Variants in NDUFS2 observed in about 807,000 individuals in gnomAD.
NDUFS2 encodes the protein NADH dehydrogenase [ubiquinone] iron-sulfur protein 2, mitochondrial.
NDUFS2 carries 38 observed loss-of-function variants against 69.6 expected under a neutral mutation model. That is an observed-to-expected ratio of 0.55 (90% CI 0.42 to 0.72). The LOEUF is 0.72. Among genes scored for constraint, NDUFS2 ranks in the 30% least tolerant of loss-of-function variants. NDUFS2 has a pLI of 0.00. For synonymous variants in NDUFS2, 194 were observed against 211.2 expected, an observed-to-expected ratio of 0.92 and a Z score of 0.70; for missense variants, 468 against 595.0, an observed-to-expected ratio of 0.79 and a Z score of 2.22.
Position 161,206,384 on chromosome 1 carries a change from C to G in NDUFS2, c.203-23C>G, listed in dbSNP as rs373836835. On this transcript the variant is annotated intron_variant, in intron 2 of 13. Transcript: ENST00000676972. The stretch of plus-strand genomic sequence containing the variant: ...ATCCCAAGGGAATAACCATGTGGCT[C>G]TGAACTATTTCTTACTTCTCAGATG... The G allele has an allele frequency of 1.2e-5, 20 of 1,613,490 alleles. No homozygotes were observed. The African/African-American group carries it at 2.3e-4, about 18-fold the overall frequency.
Position 161,212,361 on chromosome 1 carries a change from C to T in NDUFS2, c.997C>T (p.Arg333Trp). The T allele has an allele frequency of 6.8e-6, 11 of 1,613,320 alleles. No individual in the cohort carries two copies. Among genetic ancestry groups the T allele is most frequent in the South Asian group, 1.1e-5 (1 of 91,060 alleles). ...RGDCYDRYLCRVEEMRQSLRI... is the reference protein window; with the variant it reads ...RGDCYDRYLCWVEEMRQSLRI... Reference sequence around the variant, plus strand: ...TCTCATCTTCTTGAGGTACCTGTGCCGGGTGGAGGAGATGCGCCAGTCCCT... The same window carrying T: ...TCTCATCTTCTTGAGGTACCTGTGCTGGGTGGAGGAGATGCGCCAGTCCCT... The change falls in exon 10 of 14, where the codon CGG becomes TGG. Residue 333 changes from arginine (R) to tryptophan (W), a missense_variant. Transcript: ENST00000676972.
Position 161,202,412 on chromosome 1 carries a change from C to G in NDUFS2, c.27C>G (p.Gly9=), listed in dbSNP as rs760683995. The G allele has an allele frequency of 1.2e-6, 2 of 1,612,828 alleles. No individual in the cohort carries two copies. The highest frequency in any genetic ancestry group is 8.5e-7 in the Non-Finnish European group (1 of 1,179,706). ...TGGCGGCGCTGAGGGCTTTGTGCGG[C>G]TTCCGGGGCGTCGCGGCCCAGGTGC... The part of the protein sequence containing the change: MAALRALC[G]FRGVAAQVLR... The change falls in exon 1 of 14, where the codon GGC becomes GGG. Residue 9 remains glycine (G), a synonymous_variant. Coordinates refer to ENST00000676972, the MANE Select transcript of NDUFS2 (RefSeq NM_001377299.1).
Position 161,213,852 on chromosome 1 carries a change from C to G in NDUFS2, c.1297-12C>G. ...GTCTTAACTAACATTGTTGCCATCT[C>G]AATCTCCCTAGGCTGGTTTGGACAA... On this transcript the variant is annotated splice_polypyrimidine_tract_variant and intron_variant, in intron 12 of 13. Coordinates refer to ENST00000676972, the MANE Select transcript of NDUFS2 (RefSeq NM_001377299.1). 1 of 1,614,144 alleles carries G rather than the reference C, an allele frequency of 6.2e-7. No homozygotes were observed. Among genetic ancestry groups the G allele is most frequent in the Non-Finnish European group, 8.5e-7 (1 of 1,179,976 alleles).
At chr1:161,209,135 G>T in intron 3 of NDUFS2, 58 bp from the exon 4 acceptor site, 1 of 1,613,610 alleles carries the variant, frequency 6.2e-7, no homozygotes, top group East Asian at 2.2e-5. Context: ...GCTTCAGGCA[G>T]CCAGACTGTG....
At chr1:161,214,002 C>T in intron 13 of NDUFS2, 81 bp downstream of exon 13, 1 of 1,613,754 alleles carries the variant, frequency 6.2e-7, no homozygotes, top group Non-Finnish European at 8.5e-7. Flanking sequence ...AGAACACTTC[C>T]TGTTCACCAT....
intron 10 of NDUFS2, chr1:161,212,718 C>T: frequency 2.4e-6 from 1 of 409,446 alleles, no homozygotes; most frequent in Non-Finnish European, 4.6e-6. Context: ...TGCCACTACG[C>T]CCAGCTAATT....
intron 8 of NDUFS2, 46 bp from the exon 9 acceptor site, chr1:161,210,545 C>T: frequency 1.9e-6 from 3 of 1,613,670 alleles, no homozygotes. Context: ...AGCCTCCTTA[C>T]TTAGTTTGTG....
chr1:161,203,614 G>C, intron 2 of NDUFS2, 71 bp downstream of exon 2: 2 of 1,303,638 alleles, frequency 1.5e-6, no homozygotes, highest in South Asian at 2.5e-5. Flanking sequence ...TTCTTTTTTT[G>C]AGACAGGGTT....
rs767063285 is a variant in NDUFS2, at chr1:161,210,169, G to A, written c.761G>A (p.Arg254Gln). The change falls in exon 7 of 14, where the codon CGG (arginine) becomes CAG (glutamine). Residue 254 changes from arginine to glutamine, a missense_variant. Coordinates refer to ENST00000676972, the MANE Select transcript of NDUFS2 (RefSeq NM_001377299.1). ...CAGTTTTCTAAGAACTTCTCTCTTC[G>A]GCTTGATGAGTTGGAGGAGGTAAGC... ...IYQFSKNFSLRLDELEELLTN... is the reference protein window; with the variant it reads ...IYQFSKNFSLQLDELEELLTN... The A allele has an allele frequency of 5.0e-6, 8 of 1,613,966 alleles. No individual in the cohort carries two copies. Among genetic ancestry groups the A allele is most frequent in the African/African-American group, 1.3e-5 (1 of 74,958 alleles).
intron 2 of NDUFS2, among the ~76,000 whole-genome samples, chr1:161,204,338 T>C (rs552812407): frequency 1.3e-5 from 2 of 152,388 alleles, no homozygotes; most frequent in South Asian, 4.1e-4. Flanking sequence ...TTGGCTGTTT[T>C]ATCTTGCCCT....
chr1:161,209,157 CT>C (rs769282312), intron 3 of NDUFS2, 35 bp from the exon 4 acceptor site: 121 of 1,614,054 alleles, frequency 7.5e-5, no homozygotes, highest in Non-Finnish European at 1.0e-4. Flanking sequence ...GCTCCTGAGC[CT>C]GTTAGATGTG....
At chr1:161,208,682 G>A (rs1665611378) in intron 3 of NDUFS2, among the ~76,000 whole-genome samples, 1 of 152,240 alleles carries the variant, frequency 6.6e-6, no homozygotes, top group Admixed American at 6.5e-5. Context: ...AGTTTTGTGA[G>A]CCAGTTGTTG....
intron 9 of NDUFS2, 101 bp from the exon 10 acceptor site, chr1:161,212,250 G>A (rs1665812003): frequency 7.7e-6 from 11 of 1,431,492 alleles, no homozygotes; most frequent in Non-Finnish European, 1.1e-5. Flanking sequence ...AGAGTGGGGA[G>A]AGTTGACCTA....
upstream of NDUFS2, chr1:161,198,138 G>C: frequency 6.2e-7 from 1 of 1,614,034 alleles, no homozygotes; most frequent in Non-Finnish European, 8.5e-7. The surrounding 1 kb of genome is among the most constrained non-coding windows in gnomAD (Gnocchi z 4.7). Context: ...CCCTCCAGGG[G>C]CTGGAGGTGG....
Position 161,209,837 on chromosome 1 carries a change from TC to T in NDUFS2, c.628-17del, listed in dbSNP as rs775653766. Reference sequence around the variant, plus strand: ...GGGGGCCTGGGACTTTGACACTAATTCCCAGCACGTTCTATGAAGATGTTTG... The same window carrying T: ...GGGGGCCTGGGACTTTGACACTAATTCCAGCACGTTCTATGAAGATGTTTG... On this transcript the variant is annotated intron_variant, in intron 5 of 13. Coordinates refer to ENST00000676972, the MANE Select transcript of NDUFS2 (RefSeq NM_001377299.1). 84 of 1,612,744 alleles carry T rather than the reference TC, an allele frequency of 5.2e-5. No homozygotes were observed. The highest frequency in any genetic ancestry group is 6.9e-5 in the Non-Finnish European group (81 of 1,179,496).
intron 2 of NDUFS2, 79 bp downstream of exon 2, chr1:161,203,622 G>T: frequency 8.2e-7 from 1 of 1,213,164 alleles, no homozygotes; most frequent in Non-Finnish European, 1.2e-6. Context: ...TTGAGACAGG[G>T]TTTCCCTCTG....
Position 161,214,138 on chromosome 1 carries a change from C to T in NDUFS2, c.1355-18C>T. The T allele has an allele frequency of 6.2e-7, 1 of 1,613,890 alleles. No individual in the cohort carries two copies. The highest frequency in any genetic ancestry group is 2.2e-5 in the East Asian group (1 of 44,882). ...GAAGATAAGTAACATCACTTTTTTC[C>T]TCCATCCTCTCACCTAGGTACCCAA... On this transcript the variant is annotated intron_variant, in intron 13 of 13. Coordinates refer to ENST00000676972, the MANE Select transcript of NDUFS2 (RefSeq NM_001377299.1).
At chr1:161,198,802 T>C (rs945270252), upstream of NDUFS2, 1 of 601,746 alleles carries the variant, frequency 1.7e-6, no homozygotes, top group South Asian at 2.8e-5. This position sits in a 1 kb window ranked among gnomAD's most constrained non-coding sequence, Gnocchi z 4.7. Flanking sequence ...AACTTAGTCC[T>C]TGGGCTTGGG....
chr1:161,198,474 C>T, upstream of NDUFS2: 1 of 1,569,384 alleles, frequency 6.4e-7, no homozygotes, highest in Non-Finnish European at 8.6e-7. This position sits in a 1 kb window ranked among gnomAD's most constrained non-coding sequence, Gnocchi z 4.7. Flanking sequence ...AGGGGGCTGG[C>T]CAGCCGGGCT....
Sources: allele counts gnomAD v4.1 joint callset (sites outside exome capture counted in the v4.1 genomes callset), GRCh38; gene constraint gnomAD v4.1.1; non-coding constraint Gnocchi (gnomAD v3.1); transcripts MANE v1.5; gene names NCBI Gene and HGNC (gene_info 2026-07-23, HGNC 2026-07-21).